The following ADGRL3 variants were observed in gnomAD, a reference collection of about 807,000 sequenced individuals.
ADGRL3 encodes adhesion G protein-coupled receptor L3.
In ADGRL3, 62 loss-of-function variants were observed where a neutral mutation model predicts 153.5. That is an observed-to-expected ratio of 0.40 (90% CI 0.33 to 0.50). The LOEUF is 0.50. ADGRL3 is among the 20% of genes least tolerant of loss of function. The pLI, the probability that ADGRL3 is intolerant of heterozygous loss-of-function variation, is 0.47. For synonymous variants in ADGRL3, 710 were observed against 672.5 expected, an observed-to-expected ratio of 1.06 and a Z score of -0.86; for missense variants, 1,641 against 1,859.4, an observed-to-expected ratio of 0.88 and a Z score of 2.16.
At chr4:61,671,376 G>A (rs545300151) in intron 5 of ADGRL3, among the ~76,000 whole-genome samples, 6 of 152,072 alleles carry the variant, frequency 3.9e-5, no homozygotes, top group Admixed American at 2.6e-4. Context: ...CTTCTATGAC[G>A]GTCATCATAT....
Position 61,360,994 on chromosome 4 carries a change from A to T in ADGRL3, c.-239-22130A>T, listed in dbSNP as rs192155597. Among the ~76,000 whole-genome samples the T allele has an allele frequency of 8.7e-4, 133 of 152,292 alleles. 1 individual carries two copies. The East Asian group carries it at 0.01, about 12-fold the overall frequency. On this transcript the variant is annotated intron_variant, in intron 1 of 26. Coordinates refer to ENST00000683033, the MANE Select transcript of ADGRL3 (RefSeq NM_001387552.1). Reference sequence around the variant, plus strand: ...AGTGAAGAAACTGAGGCTAGGAGGTAATGCTACCCACAAAACACTATTAAT... The same window carrying T: ...AGTGAAGAAACTGAGGCTAGGAGGTTATGCTACCCACAAAACACTATTAAT...
In ADGRL3 at chr4:62,077,679, A is replaced by G. The variant is rs1021489387; in HGVS notation, c.*6771A>G. The stretch of plus-strand genomic sequence containing the variant: ...GTATTTTTTAATGCCCTGAATTTCA[A>G]GTTGTCAAACTGGTTTACATATTGA... On this transcript the variant is annotated 3_prime_UTR_variant, in exon 27 of 27. Transcript: ENST00000683033. 6 of 151,920 alleles carry G rather than the reference A, an allele frequency of 3.9e-5. No homozygotes were observed. Among genetic ancestry groups the G allele is most frequent in the Non-Finnish European group, 5.9e-5 (4 of 67,874 alleles). The allele number at this position is 151,920 out of a possible 1,614,324, so 9.4% of individuals were successfully genotyped here.
intron 4 of ADGRL3, among the ~76,000 whole-genome samples, chr4:61,552,086 C>T (rs780230173): frequency 6.6e-6 from 1 of 152,098 alleles, no homozygotes; most frequent in Non-Finnish European, 1.5e-5. Flanking sequence ...GTTTAAAATA[C>T]GTGTGATTAT....
At chr4:61,871,356 A>G (rs772920526) in intron 9 of ADGRL3, among the ~76,000 whole-genome samples, 1 of 152,190 alleles carries the variant, frequency 6.6e-6, no homozygotes, top group Admixed American at 6.5e-5. Context: ...AATCATCTGA[A>G]TTTCCAGCAA....
intron 6 of ADGRL3, among the ~76,000 whole-genome samples, chr4:61,698,532 T>C (rs928718707): frequency 2.0e-5 from 3 of 152,084 alleles, no homozygotes; most frequent in Non-Finnish European, 4.4e-5. Context: ...TGCTATGCAT[T>C]GGGTGAAAAG....
intron 3 of ADGRL3, among the ~76,000 whole-genome samples, chr4:61,514,195 C>T (rs958119643): frequency 2.0e-5 from 3 of 152,080 alleles, no homozygotes; most frequent in African/African-American, 7.2e-5. Flanking sequence ...CCTTCCTTGA[C>T]CTAAGGAAAC....
intron 9 of ADGRL3, among the ~76,000 whole-genome samples, chr4:61,875,104 G>A (rs1020427028): frequency 2.1e-4 from 32 of 151,812 alleles, no homozygotes; most frequent in African/African-American, 7.0e-4. Context: ...CACCGCGCCC[G>A]GCCCAAAATG....
intron 2 of ADGRL3, among the ~76,000 whole-genome samples, chr4:61,417,500 CG>C (rs548000863): frequency 6.7e-6 from 1 of 148,592 alleles, no homozygotes; most frequent in African/African-American, 2.5e-5. Flanking sequence ...AAAACAAAAA[CG>C]AAAAAAAACA....
At chr4:61,859,781 G>A (rs1457816434) in intron 9 of ADGRL3, among the ~76,000 whole-genome samples, 1 of 152,158 alleles carries the variant, frequency 6.6e-6, no homozygotes, top group African/African-American at 2.4e-5. Flanking sequence ...TAGTACTAAA[G>A]TGACATTATT....
rs78364684 is a variant in ADGRL3 at position 61,602,050 on chromosome 4, A to G, written c.473+14610A>G. Among the ~76,000 whole-genome samples, 176 of 152,252 alleles carry G rather than the reference A, an allele frequency of 1.2e-3. 3 individuals carry two copies. In the East Asian group the frequency reaches 0.031, roughly 27 times the overall value. On this transcript the variant is annotated intron_variant, in intron 5 of 26. Coordinates refer to ENST00000683033, the MANE Select transcript of ADGRL3 (RefSeq NM_001387552.1). ...AATTTAAGATAAATAATAAATAATA[A>G]TAACTAGTAAAATAAGTAAACGGTT...
intron 11 of ADGRL3, among the ~76,000 whole-genome samples, chr4:61,907,211 A>G (rs1016674666): frequency 6.6e-6 from 1 of 152,060 alleles, no homozygotes; most frequent in African/African-American, 2.4e-5. Context: ...AAGAGGAGGA[A>G]TGCATCCACC....
At chr4:61,376,031 C>T (rs2096598599) in intron 1 of ADGRL3, among the ~76,000 whole-genome samples, 1 of 152,040 alleles carries the variant, frequency 6.6e-6, no homozygotes, top group Non-Finnish European at 1.5e-5. Flanking sequence ...TCTTTGTAAT[C>T]CCCTTCTTCC....
At chr4:61,934,709 G>A in intron 13 of ADGRL3, 131 bp from the exon 14 acceptor site, 2 of 595,594 alleles carry the variant, frequency 3.4e-6, no homozygotes, top group Non-Finnish European at 3.0e-6. Flanking sequence ...ATGTCACAGG[G>A]GAGGCTGGGA....
intron 5 of ADGRL3, among the ~76,000 whole-genome samples, chr4:61,606,735 A>C (rs140478588): frequency 1.4e-3 from 207 of 152,282 alleles, no homozygotes; most frequent in Non-Finnish European, 2.1e-3. Flanking sequence ...AAGAGGTCTC[A>C]CTGCAGTTTT....
intron 2 of ADGRL3, among the ~76,000 whole-genome samples, chr4:61,421,556 A>G (rs1006207696): frequency 2.6e-5 from 4 of 152,164 alleles, no homozygotes; most frequent in Non-Finnish European, 4.4e-5. Context: ...CTTACATTTT[A>G]TACAGAGAAA....
intron 2 of ADGRL3, among the ~76,000 whole-genome samples, chr4:61,458,696 T>A (rs2097779269): frequency 6.6e-6 from 1 of 151,580 alleles, no homozygotes; most frequent in Non-Finnish European, 1.5e-5. Flanking sequence ...CAACACAAAT[T>A]GTTTAGGTAG....
At chr4:61,905,581 T>C (rs2098691436) in intron 11 of ADGRL3, among the ~76,000 whole-genome samples, 1 of 152,138 alleles carries the variant, frequency 6.6e-6, no homozygotes, top group South Asian at 2.1e-4. Context: ...TCAGTCCTGA[T>C]ATTTTCTATT....
At chr4:61,997,713 T>C (rs747347170) in intron 20 of ADGRL3, among the ~76,000 whole-genome samples, 1 of 152,210 alleles carries the variant, frequency 6.6e-6, no homozygotes, top group Admixed American at 6.5e-5. Flanking sequence ...TTAAACAACA[T>C]TTTATCATCC....
At chr4:61,359,678 G>A (rs1458592451) in intron 1 of ADGRL3, among the ~76,000 whole-genome samples, 1 of 152,018 alleles carries the variant, frequency 6.6e-6, no homozygotes, top group East Asian at 1.9e-4. Context: ...AATTTTACAT[G>A]CACTTTTATC....
Sources: gnomAD v4.1 joint callset for allele counts (sites outside exome capture counted in the v4.1 genomes callset) on GRCh38, gnomAD v4.1.1 for gene constraint, MANE v1.5 for transcripts, NCBI Gene and HGNC (gene_info 2026-07-23, HGNC 2026-07-21) for gene names.